The following PDE6C variants were observed in gnomAD, a reference collection of about 807,000 sequenced individuals.
PDE6C encodes phosphodiesterase 6C.
Under a neutral mutation model 113.1 loss-of-function variants are expected in PDE6C, and 75 were observed. That is an observed-to-expected ratio of 0.66 (90% CI 0.55 to 0.80). PDE6C has a LOEUF of 0.80. PDE6C is among the 30% of genes least tolerant of loss of function. The probability of loss-of-function intolerance (pLI) is 0.00; values close to 1 mark genes in which losing one functional copy is unlikely to be tolerated. For missense variants in PDE6C, 912 were observed against 1,038.6 expected (o/e 0.88, Z 1.67); for synonymous variants, 375 against 363.7 (o/e 1.03, Z -0.35).
intron 3 of PDE6C, 127 bp from the exon 4 acceptor site, chr10:93,621,805 A>C (rs1215550074): frequency 2.3e-6 from 2 of 852,298 alleles, no homozygotes; most frequent in Admixed American, 3.9e-5. Context: ...GTTCAAAATC[A>C]GAATTGCACT....
chr10:93,634,263 T>C (rs761323695), intron 8 of PDE6C, among the ~76,000 whole-genome samples: 34 of 152,186 alleles, frequency 2.2e-4, no homozygotes, highest in Non-Finnish European at 4.0e-4. Flanking sequence ...CCTCAGGTGA[T>C]CTGCCTCCCA....
rs1450077469 is a variant in PDE6C, at chr10:93,616,098, C to T, written c.480+2893C>T. On this transcript the variant is annotated intron_variant, in intron 1 of 21. Coordinates refer to ENST00000371447, the MANE Select transcript of PDE6C (RefSeq NM_006204.4). ...TTCTTCCTCTTTTCATTGCACTTGA[C>T]AATTTAAACAACATTCTCTGACAAG... Among the ~76,000 whole-genome samples, 4 of 152,202 alleles carry T rather than the reference C, an allele frequency of 2.6e-5. No homozygotes were observed. In the East Asian group the frequency reaches 7.7e-4, roughly 29 times the overall value.
chr10:93,640,555 A>G lies in PDE6C; in HGVS notation c.1735A>G (p.Met579Val). 6.2e-7 allele frequency: 1 copy of G among 1,602,424 alleles called. No homozygotes were observed. The highest frequency in any genetic ancestry group is 8.6e-7 in the Non-Finnish European group (1 of 1,169,380). Residue 579 changes from methionine to valine, a missense_variant and splice_region_variant, in exon 13 of 22, where the codon ATG (methionine) becomes GTG (valine). Transcript: ENST00000371447. The part of the protein sequence containing the change: ...NVGQTMFTLL[M>V]TGRLKKYYTD... ...GGGGCAGACCATGTTTACTTTGCTG[A>G]TGGTAGGTACAGAGGGCTGTAAATC...
chr10:93,641,514 A>C (rs1024238092), intron 14 of PDE6C, among the ~76,000 whole-genome samples: 5 of 152,054 alleles, frequency 3.3e-5, no homozygotes, highest in African/African-American at 1.2e-4. Flanking sequence ...GATTATAGGC[A>C]CATGTCTATA....
At position 93,638,208 on chromosome 10, in the gene PDE6C, T is replaced by C. The variant is rs74429952; in HGVS notation, c.1482+1145T>C. ...TCTTTCCGATCTGTGATGTGAGCAT[T>C]CTTTCTAAACTAAGACACATCGACT... On this transcript the variant is annotated intron_variant, in intron 11 of 21. Coordinates refer to ENST00000371447, the MANE Select transcript of PDE6C (RefSeq NM_006204.4). Among the ~76,000 whole-genome samples, 865 of 152,196 alleles carry C rather than the reference T, an allele frequency of 5.7e-3. 3 individuals carry two copies. The highest frequency in any genetic ancestry group is 0.015 in the African/African-American group (621 of 41,532).
At chr10:93,647,122 G>T (rs1472490457) in intron 15 of PDE6C, among the ~76,000 whole-genome samples, 2 of 152,138 alleles carry the variant, frequency 1.3e-5, no homozygotes, top group African/African-American at 4.8e-5. Flanking sequence ...GGATATATGG[G>T]CCTGTGGAAA....
chr10:93,640,258 C>A, intron 12 of PDE6C, 42 bp downstream of exon 12: 1 of 1,554,040 alleles, frequency 6.4e-7, no homozygotes, highest in Non-Finnish European at 8.9e-7. Context: ...GATTCTGTGG[C>A]TCTGCTTCAC....
intron 15 of PDE6C, among the ~76,000 whole-genome samples, chr10:93,654,947 C>A (rs1437344041): frequency 6.6e-6 from 1 of 151,622 alleles, no homozygotes; most frequent in African/African-American, 2.4e-5. Flanking sequence ...AGGTGGGACC[C>A]CAGGCACATA....
rs11418985 is a variant in PDE6C at position 93,616,652 on chromosome 10, CT to C, written c.480+3467del. Among the ~76,000 whole-genome samples the C allele has an allele frequency of 2.4e-3, 290 of 118,452 alleles. 1 individual carries two copies. Among genetic ancestry groups the C allele is most frequent in the Admixed American group, 4.4e-3 (48 of 10,980 alleles). 77.7% of individuals were successfully genotyped at this position (118,452 alleles called of 152,430 possible). On this transcript the variant is annotated intron_variant, in intron 1 of 21. Transcript: ENST00000371447. ...TTAAAACAAGTTGAAGGCAGGAAGACTTTTTTTTTTTTTTTTTTTTGAGACG... is the reference window on the plus strand; with the variant it reads ...TTAAAACAAGTTGAAGGCAGGAAGACTTTTTTTTTTTTTTTTTTTGAGACG...
At chr10:93,622,159 C>T in intron 4 of PDE6C, 87 bp downstream of exon 4, 1 of 1,271,974 alleles carries the variant, frequency 7.9e-7, no homozygotes, top group Non-Finnish European at 1.1e-6. Context: ...AAAACAGATA[C>T]ACTATGTAAA....
Position 93,612,992 on chromosome 10 carries a change from C to T in PDE6C, c.267C>T (p.His89=), listed in dbSNP as rs376967510. ...GVHRALQRLA[H]LLQADRCSMF... ...ACAGGGCCCTGCAGAGGCTGGCCCA[C>T]CTGCTCCAGGCTGACCGCTGCAGCA... is the stretch of plus-strand genomic sequence containing the variant. The change falls in exon 1 of 22, where the codon CAC becomes CAT. Residue 89 remains histidine (H), a synonymous_variant. Coordinates refer to ENST00000371447, the MANE Select transcript of PDE6C (RefSeq NM_006204.4). 1.5e-5 allele frequency: 24 copies of T among 1,613,932 alleles called. No individual in the cohort carries two copies. The Admixed American group carries it at 1.5e-4, about 10-fold the overall frequency.
intron 16 of PDE6C, among the ~76,000 whole-genome samples, chr10:93,656,756 G>C (rs1284672239): frequency 1.3e-5 from 2 of 151,852 alleles, no homozygotes; most frequent in Non-Finnish European, 2.9e-5. Context: ...TTTTAGTAGA[G>C]ATGGGTTTCA....
intron 19 of PDE6C, 60 bp downstream of exon 19, chr10:93,662,193 G>C (rs563340263): frequency 1.9e-6 from 2 of 1,078,686 alleles, no homozygotes; most frequent in African/African-American, 1.5e-5. Flanking sequence ...GGCCGGGCGC[G>C]GTGGCTCACA....
At chr10:93,615,570 C>T (rs772114294) in intron 1 of PDE6C, among the ~76,000 whole-genome samples, 2 of 152,160 alleles carry the variant, frequency 1.3e-5, no homozygotes, top group Non-Finnish European at 2.9e-5. Flanking sequence ...TTAGTAGAAA[C>T]GGGGTTTCAC....
At chr10:93,642,215 T>A (rs577639598) in intron 14 of PDE6C, among the ~76,000 whole-genome samples, 3 of 152,118 alleles carry the variant, frequency 2.0e-5, no homozygotes, top group Admixed American at 1.3e-4. Flanking sequence ...AATACAAAAA[T>A]TAGCCGGACA....
intron 8 of PDE6C, among the ~76,000 whole-genome samples, chr10:93,630,397 A>AC (rs2058495433): frequency 1.4e-5 from 1 of 70,748 alleles, no homozygotes; most frequent in African/African-American, 5.7e-5. Context: ...CCCAACTGTC[A>AC]CCCCCCACCT....
At position 93,635,825 on chromosome 10, in the gene PDE6C, T is replaced by C. The variant is rs181227823; in HGVS notation, c.1413+185T>C. Among the ~76,000 whole-genome samples, 554 of 152,246 alleles carry C rather than the reference T, an allele frequency of 3.6e-3. 1 individual carries two copies. Among genetic ancestry groups the C allele is most frequent in the African/African-American group, 0.013 (524 of 41,536 alleles). ...AGTGTACAGAGACCCTTACTGGAAG[T>C]ACAGCTGCTTGGCTGGAATAGCACT... On this transcript the variant is annotated intron_variant, in intron 10 of 21. Coordinates refer to ENST00000371447, the MANE Select transcript of PDE6C (RefSeq NM_006204.4).
intron 15 of PDE6C, among the ~76,000 whole-genome samples, chr10:93,650,819 C>T (rs114193959): frequency 0.011 from 1,668 of 152,284 alleles, 35 homozygotes; most frequent in African/African-American, 0.038. Context: ...ACAGTATCTA[C>T]TAACTCCCTT....
At chr10:93,651,460 G>T (rs1449771408) in intron 15 of PDE6C, among the ~76,000 whole-genome samples, 1 of 152,196 alleles carries the variant, frequency 6.6e-6, no homozygotes, top group Admixed American at 6.5e-5. Context: ...AAGAGTGTGT[G>T]AGAAAGAGTG....
Sources: gnomAD v4.1 joint callset for allele counts (sites outside exome capture counted in the v4.1 genomes callset) on GRCh38, gnomAD v4.1.1 for gene constraint, MANE v1.5 for transcripts, NCBI Gene and HGNC (gene_info 2026-07-23, HGNC 2026-07-21) for gene names.